MAN1A1: variants seen among roughly 807,000 people sequenced by gnomAD.
The protein encoded by MAN1A1 is mannosidase alpha class 1A member 1.
A neutral mutation model predicts 70.8 loss-of-function variants in MAN1A1; 29 were observed. That is an observed-to-expected ratio of 0.41 (90% CI 0.31 to 0.56). The LOEUF (loss-of-function observed/expected upper bound fraction) is 0.56, where lower values mean the gene tolerates loss of function less well. Among genes scored for constraint, MAN1A1 ranks in the 20% least tolerant of loss-of-function variants. The pLI, the probability that MAN1A1 is intolerant of heterozygous loss-of-function variation, is 0.29. For missense variants in MAN1A1, 747 were observed against 841.3 expected, an observed-to-expected ratio of 0.89 and a Z score of 1.39; for synonymous variants, 349 against 330.1, an observed-to-expected ratio of 1.06 and a Z score of -0.62.
Position 119,345,205 on chromosome 6 carries a change from C to T in MAN1A1, c.603+3258G>A, listed in dbSNP as rs113074960. Among the ~76,000 whole-genome samples the T allele has an allele frequency of 4.1e-3, 523 of 126,306 alleles. 5 individuals are homozygous for T. The highest frequency in any genetic ancestry group is 0.015 in the African/African-American group (503 of 33,806). 82.9% of individuals were successfully genotyped at this position (126,306 alleles called of 152,430 possible). ...GGGAGAGGTTGAGGGGGGGGCGGAG[C>T]GGGGGAGAAGGGAAGCTAAAAATGA... On this transcript the variant is annotated intron_variant, in intron 2 of 12. Coordinates refer to ENST00000368468, the MANE Select transcript of MAN1A1 (RefSeq NM_005907.4).
intron 2 of MAN1A1, among the ~76,000 whole-genome samples, chr6:119,323,668 T>C (rs1351431831): frequency 6.6e-6 from 1 of 152,316 alleles, no homozygotes; most frequent in East Asian, 1.9e-4. Context: ...CTGCACCCTG[T>C]GGTCATGCAA....
intron 5 of MAN1A1, among the ~76,000 whole-genome samples, chr6:119,278,862 C>G (rs914329619): frequency 1.7e-4 from 26 of 152,176 alleles, no homozygotes; most frequent in African/African-American, 5.6e-4. Flanking sequence ...CCTGCTCCCC[C>G]ACTGCCTTCT....
At chr6:119,212,159 T>TC (rs1003366931) in intron 6 of MAN1A1, among the ~76,000 whole-genome samples, 1 of 151,640 alleles carries the variant, frequency 6.6e-6, no homozygotes, top group African/African-American at 2.4e-5. Flanking sequence ...TTTTTTTTTT[T>TC]TGGTATACTT....
At chr6:119,263,309 C>A (rs540948119) in intron 5 of MAN1A1, among the ~76,000 whole-genome samples, 1 of 151,556 alleles carries the variant, frequency 6.6e-6, no homozygotes, top group East Asian at 1.9e-4. Flanking sequence ...ATATATAGTT[C>A]TGTCCCTCTA....
chr6:119,350,088 G>T (rs1003281548), upstream of MAN1A1, among the ~76,000 whole-genome samples: 1 of 152,180 alleles, frequency 6.6e-6, no homozygotes, highest in Non-Finnish European at 1.5e-5. Context: ...GCCTCGGCAG[G>T]GGTCCCCGGG....
At chr6:119,317,540 C>T (rs375895102) in intron 2 of MAN1A1, among the ~76,000 whole-genome samples, 16 of 152,220 alleles carry the variant, frequency 1.1e-4, no homozygotes, top group African/African-American at 3.1e-4. Flanking sequence ...TACCTCCATG[C>T]CCTTTTATTG....
At chr6:119,316,729 T>C (rs1582797910) in intron 2 of MAN1A1, among the ~76,000 whole-genome samples, 1 of 152,132 alleles carries the variant, frequency 6.6e-6, no homozygotes, top group African/African-American at 2.4e-5. Context: ...CTTTAAAAGA[T>C]TTGTTTATAG....
chr6:119,328,492 TG>T (rs1289571566), intron 2 of MAN1A1, among the ~76,000 whole-genome samples: 4 of 152,234 alleles, frequency 2.6e-5, no homozygotes, highest in Admixed American at 2.6e-4. Context: ...TTGTGTGTGC[TG>T]CCTTTAACAC....
chr6:119,259,146 C>CT (rs1469297848), intron 5 of MAN1A1, among the ~76,000 whole-genome samples: 2 of 152,200 alleles, frequency 1.3e-5, no homozygotes, highest in Non-Finnish European at 2.9e-5. Flanking sequence ...CCTACTGCTT[C>CT]TTTGAGTTAC....
chr6:119,204,703 A>G lies in MAN1A1; in HGVS notation c.1116+56T>C, dbSNP rs1000309688. 22 of 1,600,090 alleles carry G rather than the reference A, an allele frequency of 1.4e-5. No homozygotes were observed. The African/African-American group carries it at 2.7e-4, about 20-fold the overall frequency. Reference sequence around the variant, plus strand: ...AAAATTCCTAAACCTTCTCAGAGACAATACTGTTTCTCATAAGTGTTGCTT... The same window carrying G: ...AAAATTCCTAAACCTTCTCAGAGACGATACTGTTTCTCATAAGTGTTGCTT... On this transcript the variant is annotated intron_variant, in intron 7 of 12. Transcript: ENST00000368468.
chr6:119,331,177 T>G (rs1582810726), intron 2 of MAN1A1, among the ~76,000 whole-genome samples: 2 of 152,208 alleles, frequency 1.3e-5, no homozygotes, highest in African/African-American at 2.4e-5. Flanking sequence ...TCTCTTAAGA[T>G]CAATTAAACA....
intron 6 of MAN1A1, among the ~76,000 whole-genome samples, chr6:119,222,555 G>A (rs911338230): frequency 6.6e-6 from 1 of 151,988 alleles, no homozygotes; most frequent in Non-Finnish European, 1.5e-5. Context: ...TCAAACTCCT[G>A]AGCTCAAGAG....
In MAN1A1 at chr6:119,204,750, G is replaced by A; in HGVS notation, c.1116+9C>T. The A allele has an allele frequency of 6.2e-7, 1 of 1,613,802 alleles. No individual in the cohort carries two copies. The highest frequency in any genetic ancestry group is 2.2e-5 in the East Asian group (1 of 44,880). ...GCTTTGCAGGCCAAGGCACATTGAA[G>A]AATCTCACCTTTTCAGCAAAGATGG... On this transcript the variant is annotated intron_variant, in intron 7 of 12. Coordinates refer to ENST00000368468, the MANE Select transcript of MAN1A1 (RefSeq NM_005907.4).
At chr6:119,188,354 A>C in intron 11 of MAN1A1, 51 bp downstream of exon 11, 1 of 1,515,572 alleles carries the variant, frequency 6.6e-7, no homozygotes, top group Non-Finnish European at 8.9e-7. Flanking sequence ...ATCACTGAAC[A>C]TTTTTTACTA....
intron 2 of MAN1A1, among the ~76,000 whole-genome samples, chr6:119,318,849 T>C (rs1402227002): frequency 5.9e-5 from 9 of 152,208 alleles, no homozygotes. Context: ...CACGGGTTCT[T>C]TCATCACCAT....
intron 6 of MAN1A1, among the ~76,000 whole-genome samples, chr6:119,242,084 A>C (rs949479040): frequency 1.1e-4 from 16 of 151,782 alleles, no homozygotes; most frequent in Admixed American, 5.9e-4. Context: ...AGAACAGTCC[A>C]AGAACTAGGA....
intron 5 of MAN1A1, among the ~76,000 whole-genome samples, chr6:119,253,308 A>G (rs1344493471): frequency 1.3e-5 from 2 of 152,178 alleles, no homozygotes; most frequent in Non-Finnish European, 2.9e-5. Context: ...ATATCTGAGA[A>G]GTACACTCAG....
intron 2 of MAN1A1, among the ~76,000 whole-genome samples, chr6:119,321,165 A>C (rs1415990371): frequency 6.6e-6 from 1 of 152,220 alleles, no homozygotes; most frequent in Non-Finnish European, 1.5e-5. Flanking sequence ...ATGAAATCTT[A>C]TTTAAAATAG....
intron 5 of MAN1A1, among the ~76,000 whole-genome samples, chr6:119,262,281 A>C (rs1562215615): frequency 6.6e-6 from 1 of 152,198 alleles, no homozygotes; most frequent in African/African-American, 2.4e-5. Flanking sequence ...AGTCACTCCA[A>C]ACCAGTACCA....
Sources: gnomAD v4.1 joint callset for allele counts (sites outside exome capture counted in the v4.1 genomes callset) on GRCh38, gnomAD v4.1.1 for gene constraint, MANE v1.5 for transcripts, NCBI Gene and HGNC (gene_info 2026-07-23, HGNC 2026-07-21) for gene names.